ACYP2: variants seen among roughly 807,000 people sequenced by gnomAD.
ACYP2 encodes the protein acylphosphatase 2, also known as acylphosphatase-2.
In ACYP2, 12 loss-of-function variants were observed where a neutral mutation model predicts 11.2. The ratio of observed to expected loss-of-function variants is 1.08; its 90% confidence interval spans 0.69 to 1.74. The LOEUF (loss-of-function observed/expected upper bound fraction) is 1.74. Ranked by LOEUF, ACYP2 falls within the 40% of genes most tolerant of loss-of-function variation. ACYP2 has a pLI of 0.00. For missense variants in ACYP2, 134 were observed against 101.9 expected, an observed-to-expected ratio of 1.31 and a Z score of -1.35; for synonymous variants, 43 against 32.2, an observed-to-expected ratio of 1.33 and a Z score of -1.13.
chr2:54,098,276 C>A (rs928090239), intron 4 of ACYP2, among the ~76,000 whole-genome samples: 5 of 152,074 alleles, frequency 3.3e-5, no homozygotes, highest in Non-Finnish European at 5.9e-5. Context: ...GCCACAATTT[C>A]TTAACATCAT....
At chr2:54,245,392 AT>A (rs1391160345) in intron 6 of ACYP2, among the ~76,000 whole-genome samples, 1 of 152,172 alleles carries the variant, frequency 6.6e-6, no homozygotes, top group Non-Finnish European at 1.5e-5. Context: ...CTTTGGATAA[AT>A]GCTGAGTAGT....
intron 2 of ACYP2, among the ~76,000 whole-genome samples, chr2:54,039,207 A>T (rs949032665): frequency 5.5e-5 from 8 of 145,678 alleles, no homozygotes; most frequent in Admixed American, 6.9e-5. Context: ...TACTAAAAAT[A>T]TCTTTGGAAG....
At chr2:54,199,497 T>C (rs1684662835) in intron 6 of ACYP2, among the ~76,000 whole-genome samples, 1 of 152,116 alleles carries the variant, frequency 6.6e-6, no homozygotes, top group Non-Finnish European at 1.5e-5. Flanking sequence ...GAGGCCTAGA[T>C]CCTGGTGAGA....
At chr2:54,237,991 C>T (rs1686568683) in intron 6 of ACYP2, among the ~76,000 whole-genome samples, 1 of 152,134 alleles carries the variant, frequency 6.6e-6, no homozygotes, top group South Asian at 2.1e-4. Context: ...GCCAAGCATG[C>T]TTCTTACTCC....
chr2:54,176,997 C>T (rs1056884748), intron 6 of ACYP2, among the ~76,000 whole-genome samples: 4 of 152,128 alleles, frequency 2.6e-5, no homozygotes, highest in Non-Finnish European at 5.9e-5. Flanking sequence ...ACAACAAACC[C>T]GCATGCAAAT....
intron 6 of ACYP2, among the ~76,000 whole-genome samples, chr2:54,144,589 G>C (rs532284888): frequency 1.3e-5 from 2 of 150,652 alleles, no homozygotes; most frequent in African/African-American, 4.9e-5. Context: ...CAGGAGAATC[G>C]CTTGAACCCA....
At chr2:54,209,765 A>G (rs1402664181) in intron 6 of ACYP2, among the ~76,000 whole-genome samples, 1 of 152,186 alleles carries the variant, frequency 6.6e-6, no homozygotes, top group Admixed American at 6.5e-5. Context: ...TCTTCACTCT[A>G]TTCCTGCCAT....
At chr2:54,270,487 A>T (rs1573025519) in intron 6 of ACYP2, among the ~76,000 whole-genome samples, 1 of 152,192 alleles carries the variant, frequency 6.6e-6, no homozygotes, top group African/African-American at 2.4e-5. Flanking sequence ...ACACATCTGT[A>T]GTCCCACCTG....
At chr2:54,177,790 G>C (rs960113774) in intron 6 of ACYP2, among the ~76,000 whole-genome samples, 3 of 151,828 alleles carry the variant, frequency 2.0e-5, no homozygotes, top group Non-Finnish European at 4.4e-5. Flanking sequence ...TGTTGGCCAG[G>C]CTGGTCTCGA....
chr2:54,169,635 G>C (rs1683145563), intron 6 of ACYP2, among the ~76,000 whole-genome samples: 1 of 152,022 alleles, frequency 6.6e-6, no homozygotes, highest in Non-Finnish European at 1.5e-5. Context: ...ATGTACTCTA[G>C]ACAACATTTT....
At chr2:54,136,177 G>A (rs1036998027) in intron 5 of ACYP2, among the ~76,000 whole-genome samples, 1 of 152,114 alleles carries the variant, frequency 6.6e-6, no homozygotes, top group Non-Finnish European at 1.5e-5. Context: ...GGAATTACAG[G>A]TGTGAGCCAC....
intron 6 of ACYP2, among the ~76,000 whole-genome samples, chr2:54,192,183 T>A (rs1684267469): frequency 1.3e-5 from 2 of 152,282 alleles, no homozygotes; most frequent in South Asian, 4.1e-4. Flanking sequence ...TACACACATA[T>A]CAGTGTACGG....
chr2:54,219,856 G>GGTGTGT (rs1366261046), intron 6 of ACYP2, among the ~76,000 whole-genome samples: 5 of 16,594 alleles, frequency 3.0e-4, no homozygotes, highest in Admixed American at 1.2e-3. Context: ...TGTGTATATA[G>GGTGTGT]ATGTGTGTGT....
At chr2:54,087,760 C>T (rs758563470) in intron 4 of ACYP2, among the ~76,000 whole-genome samples, 5 of 152,084 alleles carry the variant, frequency 3.3e-5, no homozygotes, top group African/African-American at 9.7e-5. Flanking sequence ...GATAAAGGGA[C>T]GGACAGATGG....
At chr2:54,117,030 G>C (rs1301308194) in intron 4 of ACYP2, among the ~76,000 whole-genome samples, 1 of 152,076 alleles carries the variant, frequency 6.6e-6, no homozygotes, top group Non-Finnish European at 1.5e-5. Flanking sequence ...GATTAGAACT[G>C]GTGGAAAAGG....
intron 6 of ACYP2, among the ~76,000 whole-genome samples, chr2:54,263,273 C>G (rs1687860120): frequency 6.6e-6 from 1 of 152,082 alleles, no homozygotes; most frequent in Non-Finnish European, 1.5e-5. Flanking sequence ...CTTAAGTGAC[C>G]AGATCTTGTG....
At chr2:54,266,590 CTTTTTTTTTTT>C (rs138812389) in intron 6 of ACYP2, among the ~76,000 whole-genome samples, 23 of 52,264 alleles carry the variant, frequency 4.4e-4, no homozygotes, top group African/African-American at 1.3e-3. Context: ...ATCTATCTAT[CTTTTTTTTTTT>C]TTTTTTTTTT....
At chr2:54,260,361 G>A (rs1687725812) in intron 6 of ACYP2, among the ~76,000 whole-genome samples, 1 of 152,108 alleles carries the variant, frequency 6.6e-6, no homozygotes, top group Admixed American at 6.6e-5. Flanking sequence ...ACTAGACTGT[G>A]ACCTAAAGTA....
intron 4 of ACYP2, among the ~76,000 whole-genome samples, chr2:54,130,678 A>G (rs1392330501): frequency 6.6e-6 from 1 of 152,210 alleles, no homozygotes; most frequent in Non-Finnish European, 1.5e-5. Flanking sequence ...ACAGAATTAA[A>G]CTATTTTTCA....
Sources: gnomAD v4.1 joint callset for allele counts (sites outside exome capture counted in the v4.1 genomes callset) on GRCh38, gnomAD v4.1.1 for gene constraint, MANE v1.5 for transcripts, NCBI Gene and HGNC (gene_info 2026-07-23, HGNC 2026-07-21) for gene names.